Variants in TRIM54 observed in about 807,000 individuals in gnomAD.
TRIM54 encodes the protein tripartite motif containing 54.
Under a neutral mutation model 42.0 loss-of-function variants are expected in TRIM54, and 40 were observed. The observed-to-expected ratio is 0.95, with a 90% CI of 0.74 to 1.24. The LOEUF is 1.24. Among genes scored for constraint, TRIM54 ranks in the 50% most tolerant of loss-of-function variants. The pLI is 0.00. For missense variants in TRIM54, 485 were observed against 480.3 expected, an observed-to-expected ratio of 1.01 and a Z score of -0.09; for synonymous variants, 199 against 194.9, an observed-to-expected ratio of 1.02 and a Z score of -0.17.
intron 1 of TRIM54, 55 bp from the exon 2 acceptor site, chr2:27,298,512 C>T: frequency 6.7e-7 from 1 of 1,493,142 alleles, no homozygotes; most frequent in Non-Finnish European, 9.2e-7. Flanking sequence ...CCTGCCTCCT[C>T]CGAGTCCCTT....
At chr2:27,286,009 A>G (rs993560224) in intron 1 of TRIM54, among the ~76,000 whole-genome samples, 1 of 152,246 alleles carries the variant, frequency 6.6e-6, no homozygotes, top group East Asian at 1.9e-4. Flanking sequence ...CAGGAGGATC[A>G]CTTGAGCCCA....
intron 1 of TRIM54, among the ~76,000 whole-genome samples, chr2:27,289,843 ACTAT>A (rs1231197109): frequency 1.4e-5 from 2 of 145,266 alleles, no homozygotes; most frequent in Non-Finnish European, 3.0e-5. Context: ...ATAGTGAGAC[ACTAT>A]CTCTCTCTTT....
At position 27,307,432 on chromosome 2, in the gene TRIM54, C is replaced by G; in HGVS notation, c.*547C>G. On this transcript the variant is annotated 3_prime_UTR_variant, in exon 9 of 9. Coordinates refer to ENST00000380075, the MANE Select transcript of TRIM54 (RefSeq NM_187841.3). The surrounding 1 kb of genome is among the most constrained non-coding windows in gnomAD (Gnocchi z 6.9). Reference sequence around the variant, plus strand: ...CAGTACTTTTATTAAAAAATAGTCACGCAGACAGTGCCCTGGTGGCTCTGC... The same window carrying G: ...CAGTACTTTTATTAAAAAATAGTCAGGCAGACAGTGCCCTGGTGGCTCTGC... 3 of 1,571,678 alleles carry G rather than the reference C, an allele frequency of 1.9e-6. No homozygotes were observed. The highest frequency in any genetic ancestry group is 1.7e-6 in the Non-Finnish European group (2 of 1,160,572).
At chr2:27,299,524 A>G (rs1224551662) in intron 3 of TRIM54, 108 bp downstream of exon 3, 1 of 1,537,424 alleles carries the variant, frequency 6.5e-7, no homozygotes, top group Admixed American at 2.0e-5. Context: ...TTCTTTATTT[A>G]TTTAGAAACA....
chr2:27,305,716 G>A lies in TRIM54; in HGVS notation c.742G>A (p.Gly248Ser), dbSNP rs753597613. The stretch of plus-strand genomic sequence containing the variant: ...AGAGGAGAAGCTGCAGCGCGTCCGC[G>A]GCCTCATCCGTCAGTATGGCGACCA... Reference protein sequence around the residue: ...EQEEKLQRVRGLIRQYGDHLE... With the variant: ...EQEEKLQRVRSLIRQYGDHLE... The change falls in exon 5 of 9, where the codon GGC becomes AGC. Residue 248 changes from glycine (G) to serine (S), a missense_variant. Coordinates refer to ENST00000380075, the MANE Select transcript of TRIM54 (RefSeq NM_187841.3). The A allele has an allele frequency of 4.3e-6, 7 of 1,612,286 alleles. No individual in the cohort carries two copies. The highest frequency in any genetic ancestry group is 2.2e-5 in the East Asian group (1 of 44,838).
intron 1 of TRIM54, among the ~76,000 whole-genome samples, chr2:27,288,745 G>T (rs548507428): frequency 6.6e-6 from 1 of 152,192 alleles, no homozygotes; most frequent in African/African-American, 2.4e-5. Context: ...GAGAACATAG[G>T]AAACAGGTCA....
rs778557260 is a variant in TRIM54, at chr2:27,299,378, GA to G, written c.476del (p.Glu159GlyfsTer33). 3.1e-6 allele frequency: 5 copies of G among 1,614,032 alleles called. No homozygotes were observed. The African/African-American group carries it at 6.7e-5, about 22-fold the overall frequency. Reference protein sequence around the residue: ...CKVFGAHKDCEVAPLPTIYKR... With the variant: ...CKVFGAHKDCXVAPLPTIYKR... ...GGTCTTCGGTGCCCACAAGGACTGT[GA>G]GGTGGCCCCACTGCCCACCATTTAC... is the stretch of plus-strand genomic sequence containing the variant. On this transcript the variant is annotated frameshift_variant, in exon 3 of 9. Transcript: ENST00000380075. LOFTEE classifies it high-confidence loss of function.
rs1014602708 is a variant in TRIM54, at chr2:27,306,939, C to G, written c.*54C>G. ...AGCCCGCGCTAGAGTCGGGGAGGAT[C>G]TGCGCAGAGACCGCAGCATCACCCA... is the stretch of plus-strand genomic sequence containing the variant. On this transcript the variant is annotated 3_prime_UTR_variant, in exon 9 of 9. Coordinates refer to ENST00000380075, the MANE Select transcript of TRIM54 (RefSeq NM_187841.3). The surrounding 1 kb of genome is among the most constrained non-coding windows in gnomAD (Gnocchi z 6.1). 1 of 288,762 alleles carries G rather than the reference C, an allele frequency of 3.5e-6. No homozygotes were observed. The highest frequency in any genetic ancestry group is 2.2e-5 in the African/African-American group (1 of 44,986). The allele number at this position is 288,762 out of a possible 1,614,324, so 17.9% of individuals were successfully genotyped here.
rs375536618 is a variant in TRIM54 at position 27,306,425 on chromosome 2, C to A, written c.992-31C>A. ...GGCACGATGGCCGTAAAGGCAGGGA[C>A]TCCACCTCACCAGGCCTTCCTTGGG... On this transcript the variant is annotated intron_variant, in intron 7 of 8. Transcript: ENST00000380075. This position sits in a 1 kb window ranked among gnomAD's most constrained non-coding sequence, Gnocchi z 6.1. 9 of 1,608,378 alleles carry A rather than the reference C, an allele frequency of 5.6e-6. No individual in the cohort carries two copies. Among genetic ancestry groups the A allele is most frequent in the Non-Finnish European group, 7.6e-6 (9 of 1,177,408 alleles).
intron 1 of TRIM54, among the ~76,000 whole-genome samples, chr2:27,294,353 T>C (rs759334363): frequency 2.6e-5 from 4 of 151,992 alleles, no homozygotes; most frequent in Non-Finnish European, 5.9e-5. Context: ...ACTCCTGCAC[T>C]CAAGCCATCC....
At chr2:27,287,381 T>C (rs1678602955) in intron 1 of TRIM54, among the ~76,000 whole-genome samples, 1 of 152,106 alleles carries the variant, frequency 6.6e-6, no homozygotes, top group Non-Finnish European at 1.5e-5. Context: ...TTTTTTGTAA[T>C]TTTTTGTAGA....
At chr2:27,295,121 A>C (rs182460210) in intron 1 of TRIM54, among the ~76,000 whole-genome samples, 4 of 151,524 alleles carry the variant, frequency 2.6e-5, no homozygotes, top group Admixed American at 2.0e-4. Flanking sequence ...GTTGGAGTGC[A>C]ATGGCGCAAT....
chr2:27,298,432 C>A, intron 1 of TRIM54, 135 bp from the exon 2 acceptor site: 1 of 671,078 alleles, frequency 1.5e-6, no homozygotes, highest in Non-Finnish European at 2.5e-6. Context: ...GAGGTGGATC[C>A]AGCCACAGAG....
chr2:27,289,205 T>C (rs1678654221), intron 1 of TRIM54, among the ~76,000 whole-genome samples: 1 of 152,190 alleles, frequency 6.6e-6, no homozygotes, highest in African/African-American at 2.4e-5. Flanking sequence ...AACCTGTGGA[T>C]CCTTTCTAAT....
In TRIM54 at chr2:27,283,792, A is replaced by G. The variant is rs931269314; in HGVS notation, c.168+893A>G. ...CACACACACACACGCGCGCACACAC[A>G]CACACACACACACACACACACACAC... On this transcript the variant is annotated intron_variant, in intron 1 of 8. Coordinates refer to ENST00000380075, the MANE Select transcript of TRIM54 (RefSeq NM_187841.3). Among the ~76,000 whole-genome samples, 42 of 150,188 alleles carry G rather than the reference A, an allele frequency of 2.8e-4. 1 individual carries two copies. Among genetic ancestry groups the G allele is most frequent in the Middle Eastern group, 3.4e-3 (1 of 290 alleles).
At chr2:27,286,234 A>T (rs1470113764) in intron 1 of TRIM54, among the ~76,000 whole-genome samples, 1 of 151,404 alleles carries the variant, frequency 6.6e-6, no homozygotes, top group Non-Finnish European at 1.5e-5. Flanking sequence ...GGCTCAAGTT[A>T]TCTTCCTGCC....
intron 3 of TRIM54, chr2:27,299,688 C>T: frequency 1.6e-6 from 1 of 611,682 alleles, no homozygotes; most frequent in East Asian, 2.8e-5. Flanking sequence ...ATCTATCTAT[C>T]TATCTATCTA....
chr2:27,300,560 T>A (rs1182237583), intron 3 of TRIM54, among the ~76,000 whole-genome samples: 2 of 150,492 alleles, frequency 1.3e-5, no homozygotes, highest in African/African-American at 2.4e-5. Flanking sequence ...CTACTAATAA[T>A]AATATTTATT....
At position 27,306,301 on chromosome 2, in the gene TRIM54, G is replaced by A. The variant is rs898602965; in HGVS notation, c.955G>A (p.Val319Met). 1 of 1,614,176 alleles carries A rather than the reference G, an allele frequency of 6.2e-7. No individual in the cohort carries two copies. The highest frequency in any genetic ancestry group is 8.5e-7 in the Non-Finnish European group (1 of 1,180,012). ...MEQFTVRVEH[V>M]AEMLRTIDFQ... ...GCAATTCACCGTAAGGGTGGAGCAC[G>A]TGGCCGAAATGCTGCGGACCATCGA... The change falls in exon 7 of 9, where the codon GTG (valine) becomes ATG (methionine). Residue 319 changes from valine (V) to methionine (M), a missense_variant. By Grantham distance (21) the Val-to-Met change is conservative. Transcript: ENST00000380075. The surrounding 1 kb of genome is among the most constrained non-coding windows in gnomAD (Gnocchi z 6.1).
Sources: allele counts gnomAD v4.1 joint callset (sites outside exome capture counted in the v4.1 genomes callset), GRCh38; gene constraint gnomAD v4.1.1; non-coding constraint Gnocchi (gnomAD v3.1); transcripts MANE v1.5; gene names NCBI Gene and HGNC (gene_info 2026-07-23, HGNC 2026-07-21).